ITSN2: variants seen among roughly 807,000 people sequenced by gnomAD.
ITSN2 encodes the protein intersectin-2.
ITSN2 carries 156 observed loss-of-function variants against 243.7 expected under a neutral mutation model. The observed-to-expected ratio is 0.64, with a 90% CI of 0.56 to 0.73. The LOEUF is 0.73. Ranked by LOEUF, ITSN2 falls within the 30% of genes least tolerant of loss-of-function variation. ITSN2 has a pLI of 0.00. For synonymous variants in ITSN2, 703 were observed against 699.9 expected (o/e 1.00, Z -0.07); for missense variants, 1,801 against 1,996.1 (o/e 0.90, Z 1.86).
chr2:24,261,299 A>C, intron 21 of ITSN2, 49 bp from the exon 22 acceptor site: 4 of 1,337,712 alleles, frequency 3.0e-6, no homozygotes, highest in Non-Finnish European at 3.2e-6. Flanking sequence ...TTTAGAACTT[A>C]ATGAAGTACT....
intron 1 of ITSN2, among the ~76,000 whole-genome samples, chr2:24,340,183 TAA>T (rs1463503156): frequency 3.3e-5 from 5 of 152,066 alleles, no homozygotes; most frequent in Admixed American, 1.3e-4. Context: ...AAACACAGTA[TAA>T]AGTTGAATGT....
At chr2:24,295,841 A>T (rs773335114) in intron 13 of ITSN2, 37 bp from the exon 14 acceptor site, 2 of 1,374,536 alleles carry the variant, frequency 1.5e-6, no homozygotes, top group South Asian at 3.0e-5. Flanking sequence ...GTAACATAAA[A>T]TGCTAATAGA....
At chr2:24,251,680 T>G (rs903722185) in intron 25 of ITSN2, among the ~76,000 whole-genome samples, 1 of 150,192 alleles carries the variant, frequency 6.7e-6, no homozygotes, top group African/African-American at 2.5e-5. Context: ...TGTGTGTGTC[T>G]TGCTAAACTT....
chr2:24,206,249 AG>A (rs1415442408), intron 37 of ITSN2: 8 of 431,740 alleles, frequency 1.9e-5, no homozygotes, highest in African/African-American at 4.2e-5. Flanking sequence ...CATACCTTTT[AG>A]GAGTATATAA....
intron 13 of ITSN2, among the ~76,000 whole-genome samples, chr2:24,296,503 T>C (rs2151633204): frequency 6.6e-6 from 1 of 152,236 alleles, no homozygotes; most frequent in East Asian, 1.9e-4. Context: ...AGGTGGACCC[T>C]AATCCAATCT....
At chr2:24,222,146 G>A (rs571464471) in intron 29 of ITSN2, among the ~76,000 whole-genome samples, 1 of 151,902 alleles carries the variant, frequency 6.6e-6, no homozygotes, top group East Asian at 1.9e-4. Context: ...CAGCTACTCA[G>A]GAGGCTGAGG....
intron 35 of ITSN2, 75 bp downstream of exon 35, chr2:24,209,743 C>G: frequency 8.4e-7 from 1 of 1,186,166 alleles, no homozygotes; most frequent in Non-Finnish European, 1.3e-6. Flanking sequence ...AGCTCAGGGT[C>G]TGCCAGGAAG....
rs1260280450 is a variant in ITSN2 at position 24,315,174 on chromosome 2, T to C, written c.82A>G (p.Arg28Gly). Residue 28 changes from arginine to glycine, a missense_variant, in exon 3 of 40, where the codon AGG becomes GGG. Around this residue, in one of 5 missense-constraint regions of ITSN2, gnomAD observed 77 missense variants for 90.1 expected, o/e 0.85. Transcript: ENST00000355123. ...GAAGGTTTGAGGTTATCAAACTGCC[T>C]GTCATGCTTAGTACGTTCTTCAGAG... ...ITSEERTKHD[R>G]QFDNLKPSGG... 2 of 1,612,632 alleles carry C rather than the reference T, an allele frequency of 1.2e-6. No homozygotes were observed. The highest frequency in any genetic ancestry group is 1.7e-6 in the Non-Finnish European group (2 of 1,179,018).
In ITSN2 at chr2:24,225,807, AT is replaced by A. The variant is rs1670976921; in HGVS notation, c.3578-4742del. ...GATGAGCTCAGGGTTCCCAACACGT[AT>A]TTGACCACAGAATCCTCTTTTTTTG... is the stretch of plus-strand genomic sequence containing the variant. On this transcript the variant is annotated intron_variant, in intron 29 of 39. Coordinates refer to ENST00000355123, the MANE Select transcript of ITSN2 (RefSeq NM_006277.3). This position sits in a 1 kb window ranked among gnomAD's most constrained non-coding sequence, Gnocchi z 4.2. 6.6e-6 allele frequency among the ~76,000 whole-genome samples: 1 copy of A among 152,186 alleles called. No individual in the cohort carries two copies. Among genetic ancestry groups the A allele is most frequent in the Admixed American group, 6.5e-5 (1 of 15,282 alleles).
intron 29 of ITSN2, among the ~76,000 whole-genome samples, chr2:24,245,711 T>C (rs185135155): frequency 2.6e-4 from 39 of 152,266 alleles, no homozygotes; most frequent in African/African-American, 8.4e-4. Flanking sequence ...ATTCCTGGGC[T>C]TAAGGGATCC....
rs1676705655 is a variant in ITSN2 at position 24,266,796 on chromosome 2, G to A, written c.2355+3875C>T. Among the ~76,000 whole-genome samples, 3 of 151,332 alleles carry A rather than the reference G, an allele frequency of 2.0e-5. No homozygotes were observed. The South Asian group carries it at 6.3e-4, about 32-fold the overall frequency. On this transcript the variant is annotated intron_variant, in intron 20 of 39. Transcript: ENST00000355123. ...AAAAAAAAAAAAAAAAAATAGCCAG[G>A]TGTGGTGGTGTGTGCCTGTAGTCTC...
At chr2:24,294,445 A>G (rs982783710) in intron 14 of ITSN2, among the ~76,000 whole-genome samples, 1 of 152,090 alleles carries the variant, frequency 6.6e-6, no homozygotes, top group South Asian at 2.1e-4. Context: ...AAAACTAGGA[A>G]AGCAGGTTTA....
At chr2:24,223,652 C>A (rs1290722141) in intron 29 of ITSN2, among the ~76,000 whole-genome samples, 1 of 144,614 alleles carries the variant, frequency 6.9e-6, no homozygotes, top group Admixed American at 7.0e-5. Context: ...CACCACTGTA[C>A]TCCAGGCCAG....
chr2:24,331,560 C>T (rs1184856207), intron 1 of ITSN2, among the ~76,000 whole-genome samples: 1 of 152,160 alleles, frequency 6.6e-6, no homozygotes, highest in Non-Finnish European at 1.5e-5. Context: ...GACTTTAACA[C>T]ACATGGCCAC....
In ITSN2 at chr2:24,248,869, G is replaced by A; in HGVS notation, c.3134C>T (p.Ala1045Val). 1 of 1,613,510 alleles carries A rather than the reference G, an allele frequency of 6.2e-7. No individual in the cohort carries two copies. Among genetic ancestry groups the A allele is most frequent in the Non-Finnish European group, 8.5e-7 (1 of 1,179,574 alleles). The change falls in exon 26 of 40, where the codon GCT becomes GTT. Residue 1045 changes from alanine (A) to valine (V), a missense_variant. Physicochemically the swap from Ala to Val is moderately conservative, Grantham distance 64. Coordinates refer to ENST00000355123, the MANE Select transcript of ITSN2 (RefSeq NM_006277.3). ...TTTATTTGATGCTCCAGACTTGCTA[G>A]CACTCCCAAAACTCTACAAGGAAAA... ...KPKDQESFGS[A>V]SKSGASNKKP...
chr2:24,345,009 T>C (rs971271886), intron 1 of ITSN2, among the ~76,000 whole-genome samples: 4 of 152,196 alleles, frequency 2.6e-5, no homozygotes, highest in African/African-American at 9.6e-5. Flanking sequence ...TATATTTTAA[T>C]TAGTTCATAT....
At chr2:24,331,352 C>T (rs1404528796) in intron 1 of ITSN2, among the ~76,000 whole-genome samples, 5 of 151,922 alleles carry the variant, frequency 3.3e-5, no homozygotes, top group African/African-American at 1.2e-4. Flanking sequence ...GGATTACAGG[C>T]ATGAGCCACT....
intron 15 of ITSN2, among the ~76,000 whole-genome samples, chr2:24,292,956 T>C (rs1427189842): frequency 6.6e-6 from 1 of 152,222 alleles, no homozygotes; most frequent in Non-Finnish European, 1.5e-5. Flanking sequence ...ATAATTGACT[T>C]GATAGAGACT....
intron 1 of ITSN2, among the ~76,000 whole-genome samples, chr2:24,347,193 C>T (rs1003835589): frequency 2.6e-4 from 39 of 151,910 alleles, no homozygotes; most frequent in African/African-American, 8.0e-4. Context: ...ATCTAAAGAA[C>T]AAAAATAGAT....
Sources: allele counts gnomAD v4.1 joint callset (sites outside exome capture counted in the v4.1 genomes callset), GRCh38; gene constraint gnomAD v4.1.1; regional missense constraint gnomAD v4.1.1; non-coding constraint Gnocchi (gnomAD v3.1); transcripts MANE v1.5; gene names NCBI Gene and HGNC (gene_info 2026-07-23, HGNC 2026-07-21).